TSPAN14: variants seen among roughly 807,000 people sequenced by gnomAD.
TSPAN14 encodes the protein tetraspanin-14.
TSPAN14 carries 16 observed loss-of-function variants against 36.6 expected under a neutral mutation model. The ratio of observed to expected loss-of-function variants is 0.44; its 90% CI spans 0.30 to 0.66. The LOEUF is 0.66. Among genes scored for constraint, TSPAN14 ranks in the 30% least tolerant of loss-of-function variants. The pLI is 0.12. For synonymous variants in TSPAN14, 139 were observed against 143.8 expected, an observed-to-expected ratio of 0.97 and a Z score of 0.24; for missense variants, 231 against 355.1, an observed-to-expected ratio of 0.65 and a Z score of 2.81.
At chr10:80,480,946 G>T (rs1057456332) in intron 1 of TSPAN14, among the ~76,000 whole-genome samples, 3 of 151,940 alleles carry the variant, frequency 2.0e-5, no homozygotes, top group Non-Finnish European at 4.4e-5. Context: ...TAAAATAAAA[G>T]AATATAAAAA....
chr10:80,515,300 A>G (rs1194071456), intron 7 of TSPAN14, among the ~76,000 whole-genome samples: 1 of 152,106 alleles, frequency 6.6e-6, no homozygotes, highest in East Asian at 1.9e-4. Context: ...GAGGGCTGTG[A>G]TGGAAGGGTC....
chr10:80,462,852 A>G (rs933342689), intron 1 of TSPAN14, among the ~76,000 whole-genome samples: 3 of 152,160 alleles, frequency 2.0e-5, no homozygotes. Context: ...GGATGTGTTC[A>G]TAGCACTAGG....
intron 5 of TSPAN14, among the ~76,000 whole-genome samples, chr10:80,510,266 A>G (rs973840014): frequency 9.8e-5 from 15 of 152,382 alleles, no homozygotes; most frequent in Middle Eastern, 3.4e-3. Context: ...AGAAACCATT[A>G]AAAATCTATG....
At chr10:80,506,020 G>C (rs112263556) in intron 3 of TSPAN14, among the ~76,000 whole-genome samples, 14 of 152,236 alleles carry the variant, frequency 9.2e-5, no homozygotes, top group African/African-American at 3.4e-4. Flanking sequence ...TGCCCAGGCC[G>C]GAGCGCAGTG....
At chr10:80,498,231 C>T (rs1049298781) in intron 2 of TSPAN14, among the ~76,000 whole-genome samples, 1 of 152,184 alleles carries the variant, frequency 6.6e-6, no homozygotes, top group African/African-American at 2.4e-5. Context: ...TTCAGGATTT[C>T]TTATTCTGGA....
At chr10:80,501,105 G>GTTTTTTTTTTTT (rs10713598) in intron 2 of TSPAN14, among the ~76,000 whole-genome samples, 1 of 140,004 alleles carries the variant, frequency 7.1e-6, no homozygotes. Context: ...AACTGACGCT[G>GTTTTTTTTTTTT]TTTTTTTTTT....
chr10:80,499,820 G>T (rs921862509), intron 2 of TSPAN14, among the ~76,000 whole-genome samples: 1 of 152,184 alleles, frequency 6.6e-6, no homozygotes, highest in Admixed American at 6.5e-5. Context: ...TTAGGTGCTC[G>T]CTGGTCCAGC....
At chr10:80,470,587 C>T (rs1396549145) in intron 1 of TSPAN14, among the ~76,000 whole-genome samples, 2 of 152,236 alleles carry the variant, frequency 1.3e-5, no homozygotes, top group African/African-American at 4.8e-5. Context: ...TATGTAGTTT[C>T]TTTGTGACCT....
chr10:80,505,083 C>G (rs749723865), intron 3 of TSPAN14, among the ~76,000 whole-genome samples: 9 of 152,214 alleles, frequency 5.9e-5, no homozygotes, highest in Non-Finnish European at 1.2e-4. Flanking sequence ...CTGTCTGTGC[C>G]TCTGGGAGCA....
intron 1 of TSPAN14, among the ~76,000 whole-genome samples, chr10:80,467,032 A>G (rs1016682457): frequency 6.6e-6 from 1 of 152,318 alleles, no homozygotes; most frequent in South Asian, 2.1e-4. Context: ...TAACCAATAC[A>G]CTGGGTTAGA....
chr10:80,470,088 A>AT (rs537959013), intron 1 of TSPAN14, among the ~76,000 whole-genome samples: 111 of 151,552 alleles, frequency 7.3e-4, no homozygotes, highest in Non-Finnish European at 1.2e-3. Flanking sequence ...AGCATTTGTA[A>AT]TTTTTTTTTC....
intron 1 of TSPAN14, among the ~76,000 whole-genome samples, chr10:80,481,341 T>C (rs1022801490): frequency 6.6e-6 from 1 of 152,150 alleles, no homozygotes; most frequent in Non-Finnish European, 1.5e-5. Flanking sequence ...GTGAAAAAAC[T>C]CAGGGTAGAT....
chr10:80,517,968 C>A, exon 9 of TSPAN14: 1 of 1,560,010 alleles, frequency 6.4e-7, no homozygotes, highest in Non-Finnish European at 8.7e-7. Context: ...GGCCGGCCAT[C>A]ACTTCTGAGG....
chr10:80,512,394 C>G (rs1840708648), intron 6 of TSPAN14, 125 bp downstream of exon 6: 1 of 1,356,106 alleles, frequency 7.4e-7, no homozygotes, highest in Non-Finnish European at 9.9e-7. Context: ...TGTGCTTTCT[C>G]CACACCCTCC....
chr10:80,516,535 A>AG (rs1458789143), intron 8 of TSPAN14, among the ~76,000 whole-genome samples: 3 of 152,122 alleles, frequency 2.0e-5, no homozygotes, highest in Non-Finnish European at 4.4e-5. Flanking sequence ...CGCTACCTAT[A>AG]GGGGGGCCCT....
chr10:80,520,824 T>C (rs1047119234), exon 9 of TSPAN14: 1 of 533,306 alleles, frequency 1.9e-6, no homozygotes, highest in Non-Finnish European at 3.8e-6. Context: ...TCAGCCTCTG[T>C]AGCACCAGAC....
At chr10:80,484,749 A>G (rs922638695) in intron 1 of TSPAN14, among the ~76,000 whole-genome samples, 2 of 151,384 alleles carry the variant, frequency 1.3e-5, no homozygotes, top group Non-Finnish European at 2.9e-5. Context: ...GATTTTTTAG[A>G]TTTGTTATCT....
intron 1 of TSPAN14, among the ~76,000 whole-genome samples, chr10:80,476,409 GTTTTTTTTTTTTT>G (rs60589813): frequency 1.2e-5 from 1 of 85,070 alleles, no homozygotes; most frequent in African/African-American, 4.2e-5. Context: ...TTGTTTTACT[GTTTTTTTTTTTTT>G]TTTTTTTTTT....
intron 1 of TSPAN14, among the ~76,000 whole-genome samples, chr10:80,487,038 A>C (rs367901177): frequency 6.6e-6 from 1 of 152,234 alleles, no homozygotes; most frequent in Non-Finnish European, 1.5e-5. Flanking sequence ...CCTGGGCAAC[A>C]TAACATAGTG....
Sources: allele counts gnomAD v4.1 joint callset (sites outside exome capture counted in the v4.1 genomes callset), GRCh38; gene constraint gnomAD v4.1.1; transcripts MANE v1.5; gene names NCBI Gene and HGNC (gene_info 2026-07-23, HGNC 2026-07-21).